Variants in TENM1 observed in about 807,000 individuals in gnomAD.
TENM1 encodes the protein teneurin transmembrane protein 1, also known as teneurin-1.
In TENM1, 35 loss-of-function variants were observed where a neutral mutation model predicts 174.8. The ratio of observed to expected loss-of-function variants is 0.20; its 90% confidence interval spans 0.15 to 0.27. TENM1 has a LOEUF of 0.27. TENM1 is among the 10% of genes least tolerant of loss of function. The pLI is 1.00. For synonymous variants in TENM1, 781 were observed against 798.7 expected (o/e 0.98, Z 0.37); for missense variants, 1,633 against 2,130.1 (o/e 0.77, Z 4.59).
intron 22 of TENM1, among the ~76,000 whole-genome samples, chrX:124,471,199 A>T (rs1424737799): frequency 2.5e-4 from 15 of 59,042 alleles, no homozygotes; most frequent in African/African-American, 8.6e-4. Flanking sequence ...ATATTATATA[A>T]TATATAGTAC....
At chrX:124,793,645 TTC>T (rs1401223731) in intron 3 of TENM1, among the ~76,000 whole-genome samples, 1 of 111,803 alleles carries the variant, frequency 8.9e-6, no homozygotes, top group African/African-American at 3.2e-5. Context: ...ATTACGGAAC[TTC>T]TCTGTGTCTT....
intron 4 of TENM1, among the ~76,000 whole-genome samples, chrX:124,712,467 T>C (rs909131208): frequency 2.7e-5 from 3 of 111,168 alleles, no homozygotes; most frequent in Non-Finnish European, 5.7e-5. Flanking sequence ...GAACATCTTT[T>C]CTTTTCTTTT....
chrX:124,763,441 C>T (rs1309662689), intron 3 of TENM1, among the ~76,000 whole-genome samples: 5 of 111,064 alleles, frequency 4.5e-5, no homozygotes, highest in Middle Eastern at 4.6e-3. Flanking sequence ...ATGCTATGTG[C>T]CCAAGTATAA....
At chrX:124,513,871 T>C (rs2047638856) in intron 18 of TENM1, among the ~76,000 whole-genome samples, 1 of 111,816 alleles carries the variant, frequency 8.9e-6, no homozygotes, top group Non-Finnish European at 1.9e-5. Context: ...CTACCAACTG[T>C]TCAGATGCTT....
At chrX:125,032,062 T>C in the TENM1 span, among the ~76,000 whole-genome samples, 25 of 111,197 alleles carry the variant, frequency 2.2e-4, no homozygotes, top group East Asian at 4.6e-3. Flanking sequence ...GAGATTGAGA[T>C]GGTGGGAGGC....
chrX:124,896,286 A>C, intron 1 of TENM1, 45 bp from the exon 5 acceptor site: 1 of 1,157,833 alleles, frequency 8.6e-7, no homozygotes, highest in Non-Finnish European at 1.2e-6. Flanking sequence ...AAGTATGAAG[A>C]AATCCCCCAG....
chrX:124,842,379 C>T (rs185134739), intron 3 of TENM1, among the ~76,000 whole-genome samples: 1 of 111,635 alleles, frequency 9.0e-6, no homozygotes, highest in East Asian at 2.8e-4. Context: ...TGTCACCCAC[C>T]TTTACTCACA....
At chrX:124,523,873 ATTTTTTT>A (rs745816520) in intron 16 of TENM1, among the ~76,000 whole-genome samples, 1 of 90,511 alleles carries the variant, frequency 1.1e-5, no homozygotes, top group Non-Finnish European at 2.2e-5. Flanking sequence ...TTGTAAACCA[ATTTTTTT>A]TTTTTTTTTT....
intron 3 of TENM1, among the ~76,000 whole-genome samples, chrX:124,757,270 A>T (rs1247811341): frequency 8.9e-6 from 1 of 111,751 alleles, no homozygotes; most frequent in African/African-American, 3.3e-5. Flanking sequence ...AATCAGCGAG[A>T]CTCCGTGGGC....
chrX:124,989,068 T>G, the TENM1 span, among the ~76,000 whole-genome samples: 2 of 111,205 alleles, frequency 1.8e-5, no homozygotes, highest in Non-Finnish European at 3.8e-5. Context: ...CACAATAAGG[T>G]GAGCAAAGGA....
At chrX:125,015,294 T>A in the TENM1 span, among the ~76,000 whole-genome samples, 1 of 111,572 alleles carries the variant, frequency 9.0e-6, no homozygotes, top group Non-Finnish European at 1.9e-5. Flanking sequence ...GCATCCTATA[T>A]TTTATCTGGC....
intron 11 of TENM1, among the ~76,000 whole-genome samples, chrX:124,593,077 G>C (rs1322945380): frequency 9.0e-6 from 1 of 111,523 alleles, no homozygotes; most frequent in African/African-American, 3.3e-5. Context: ...TAGGGTTGTG[G>C]GGGACAAGAT....
intron 11 of TENM1, among the ~76,000 whole-genome samples, chrX:124,578,078 A>T (rs1454424308): frequency 9.9e-6 from 1 of 100,801 alleles, no homozygotes; most frequent in Non-Finnish European, 2.0e-5. Context: ...GACACATGCC[A>T]CCATGCCCAG....
the TENM1 span, among the ~76,000 whole-genome samples, chrX:125,007,960 G>GA: frequency 9.0e-6 from 1 of 111,705 alleles, no homozygotes; most frequent in South Asian, 3.8e-4. Flanking sequence ...ATGTTGTGAA[G>GA]AAACTGCATC....
chrX:125,140,657 T>C, the TENM1 span, among the ~76,000 whole-genome samples: 1 of 112,457 alleles, frequency 8.9e-6, no homozygotes, highest in Non-Finnish European at 1.9e-5. Context: ...ATATCCTAAG[T>C]ACCCTGACTT....
chrX:124,389,388 T>C (rs1245558469), intron 28 of TENM1, among the ~76,000 whole-genome samples: 5 of 112,097 alleles, frequency 4.5e-5, no homozygotes, highest in Admixed American at 2.8e-4. Flanking sequence ...GTTTAAAATA[T>C]ACTACAAGAA....
At chrX:124,835,087 TTA>T (rs1484164713) in intron 3 of TENM1, among the ~76,000 whole-genome samples, 2 of 111,904 alleles carry the variant, frequency 1.8e-5, no homozygotes, top group African/African-American at 6.5e-5. Flanking sequence ...TAAACTAGCC[TTA>T]GTTTCTTCAA....
the TENM1 span, among the ~76,000 whole-genome samples, chrX:125,152,841 G>A: frequency 1.8e-5 from 2 of 112,061 alleles, no homozygotes; most frequent in Admixed American, 9.5e-5. Context: ...AAAGAATGGA[G>A]GTGTGTCTTT....
At chrX:125,173,438 T>C in the TENM1 span, among the ~76,000 whole-genome samples, 1 of 111,252 alleles carries the variant, frequency 9.0e-6, no homozygotes, top group African/African-American at 3.3e-5. Context: ...AGCTTATTCA[T>C]TAATTCATTC....
Sources: allele counts gnomAD v4.1 joint callset (sites outside exome capture counted in the v4.1 genomes callset), GRCh38; gene constraint gnomAD v4.1.1; transcripts MANE v1.5; gene names NCBI Gene and HGNC (gene_info 2026-07-23, HGNC 2026-07-21).